Variants in DIAPH2 observed in about 807,000 individuals in gnomAD.
DIAPH2 encodes diaphanous related formin 2.
DIAPH2 carries 35 observed loss-of-function variants against 92.7 expected under a neutral mutation model. The observed-to-expected ratio is 0.38, with a 90% CI of 0.29 to 0.50. The LOEUF (loss-of-function observed/expected upper bound fraction) is 0.50. Ranked by LOEUF, DIAPH2 falls within the 20% of genes least tolerant of loss-of-function variation. The pLI, the probability that DIAPH2 is intolerant of heterozygous loss-of-function variation, is 0.94. For synonymous variants in DIAPH2, 301 were observed against 280.4 expected (o/e 1.07, Z -0.73); for missense variants, 701 against 819.5 (o/e 0.86, Z 1.77).
chrX:97,349,924 G>A (rs967776999), intron 24 of DIAPH2, among the ~76,000 whole-genome samples: 8 of 111,923 alleles, frequency 7.1e-5, no homozygotes, highest in Non-Finnish European at 1.1e-4. Context: ...AAAAAGGAAT[G>A]ATGACCAGAA....
At chrX:97,366,774 C>G (rs888098175) in intron 24 of DIAPH2, among the ~76,000 whole-genome samples, 1 of 111,735 alleles carries the variant, frequency 8.9e-6, no homozygotes, top group African/African-American at 3.2e-5. Context: ...CTTCTCTTTT[C>G]TGGGGAGTTG....
intron 26 of DIAPH2, among the ~76,000 whole-genome samples, chrX:97,554,599 G>A (rs1312595934): frequency 1.8e-5 from 2 of 111,753 alleles, no homozygotes; most frequent in African/African-American, 6.5e-5. Flanking sequence ...AGAAGCTTCA[G>A]GAACTCACTG....
At chrX:97,441,492 C>T (rs1602592132) in intron 26 of DIAPH2, among the ~76,000 whole-genome samples, 1 of 110,928 alleles carries the variant, frequency 9.0e-6, no homozygotes, top group East Asian at 2.8e-4. Flanking sequence ...TGTTTGTTTC[C>T]ATTTTCTTTT....
chrX:97,218,979 G>A (rs1194571886), intron 22 of DIAPH2, among the ~76,000 whole-genome samples: 1 of 111,809 alleles, frequency 8.9e-6, no homozygotes, highest in Non-Finnish European at 1.9e-5. Flanking sequence ...TCTTATCTGT[G>A]AGATACTATA....
At chrX:97,121,460 TA>T (rs1009037913) in intron 21 of DIAPH2, among the ~76,000 whole-genome samples, 2 of 112,103 alleles carry the variant, frequency 1.8e-5, no homozygotes, top group African/African-American at 6.5e-5. Flanking sequence ...TATTCTGCAT[TA>T]TATCTCCAGT....
At position 96,684,938 on chromosome X, in the gene DIAPH2, C is replaced by T; in HGVS notation, c.-121C>T. ...TGAAATCGGCAGCTTCCCGGGCAGA[C>T]ACTCTCTCCCTCAGGAAGAGGTGCC... On this transcript the variant is annotated 5_prime_UTR_variant, in exon 1 of 27. Transcript: ENST00000324765. The T allele has an allele frequency of 2.4e-6, 2 of 840,213 alleles. No individual in the cohort carries two copies. 69.2% of individuals were successfully genotyped at this position (840,213 alleles called of 1,213,427 possible).
intron 4 of DIAPH2, among the ~76,000 whole-genome samples, chrX:96,823,615 A>T (rs1253047184): frequency 2.7e-5 from 3 of 111,060 alleles, no homozygotes; most frequent in Admixed American, 9.6e-5. Context: ...ATTTTTAACA[A>T]TGAACTTGTA....
chrX:97,229,814 A>G (rs1280585407), intron 22 of DIAPH2, among the ~76,000 whole-genome samples: 1 of 74,898 alleles, frequency 1.3e-5, no homozygotes, highest in African/African-American at 3.7e-5. Context: ...ATATATTGTT[A>G]TTATATATAA....
In DIAPH2 at chrX:97,486,235, T is replaced by A. The variant is rs570196655; in HGVS notation, c.3241+56490T>A. Among the ~76,000 whole-genome samples, 9 of 111,704 alleles carry A rather than the reference T, an allele frequency of 8.1e-5. No individual in the cohort carries two copies. The South Asian group carries it at 2.6e-3, about 32-fold the overall frequency. On this transcript the variant is annotated intron_variant, in intron 26 of 26. Coordinates refer to ENST00000324765, the MANE Select transcript of DIAPH2 (RefSeq NM_006729.5). Reference sequence around the variant, plus strand: ...CTCCATAACTTAAGCAAATGAGTAGTTTTGACTACTGGAAAATAGCATTTG... The same window carrying A: ...CTCCATAACTTAAGCAAATGAGTAGATTTGACTACTGGAAAATAGCATTTG...
intron 26 of DIAPH2, among the ~76,000 whole-genome samples, chrX:97,435,687 A>G (rs1043069997): frequency 5.4e-5 from 6 of 111,836 alleles, no homozygotes; most frequent in Non-Finnish European, 9.4e-5. Context: ...TTTACCATCT[A>G]CTTTGTAAAG....
At chrX:96,890,771 G>A (rs997793094) in intron 5 of DIAPH2, among the ~76,000 whole-genome samples, 2 of 112,008 alleles carry the variant, frequency 1.8e-5, no homozygotes, top group Admixed American at 9.5e-5. Flanking sequence ...GGTGATAAAG[G>A]CTCTAAGAAA....
At chrX:97,385,914 A>G (rs1158940019) in intron 25 of DIAPH2, among the ~76,000 whole-genome samples, 3 of 112,314 alleles carry the variant, frequency 2.7e-5, no homozygotes, top group Non-Finnish European at 3.8e-5. Context: ...CAAGGTCACA[A>G]TGATAGTGAG....
At position 97,426,023 on chromosome X, in the gene DIAPH2, C is replaced by T. The variant is rs758635018; in HGVS notation, c.3146-3627C>T. On this transcript the variant is annotated intron_variant, in intron 25 of 26. Coordinates refer to ENST00000324765, the MANE Select transcript of DIAPH2 (RefSeq NM_006729.5). ...CAGCCCAGAGTTCACTTTTGCATTT[C>T]GGACCCACATTTCCAACTTCTTTTT... Among the ~76,000 whole-genome samples, 5 of 110,284 alleles carry T rather than the reference C, an allele frequency of 4.5e-5. No individual in the cohort carries two copies. In the East Asian group the frequency reaches 8.6e-4, roughly 19 times the overall value.
intron 1 of DIAPH2, among the ~76,000 whole-genome samples, chrX:96,708,282 TG>T (rs201656936): frequency 0.057 from 5,155 of 89,823 alleles, 183 homozygotes; most frequent in Middle Eastern, 0.17. Context: ...TCTGCTCTGT[TG>T]CCAGGCTGGA....
At chrX:97,561,265 CAT>C (rs1455612178) in intron 26 of DIAPH2, among the ~76,000 whole-genome samples, 2 of 112,230 alleles carry the variant, frequency 1.8e-5, no homozygotes, top group South Asian at 3.8e-4. Flanking sequence ...CAGTGATAGA[CAT>C]ATGAGTAGGA....
Position 97,152,349 on chromosome X carries a change from C to T in DIAPH2, c.2719+10555C>T, listed in dbSNP as rs145671975. Reference sequence around the variant, plus strand: ...CTACAAGTTGATGAGACAAATTTAGCAAATATAACATTTCCTTGTGCCAAA... The same window carrying T: ...CTACAAGTTGATGAGACAAATTTAGTAAATATAACATTTCCTTGTGCCAAA... On this transcript the variant is annotated intron_variant, in intron 22 of 26. Coordinates refer to ENST00000324765, the MANE Select transcript of DIAPH2 (RefSeq NM_006729.5). Among the ~76,000 whole-genome samples, 243 of 112,099 alleles carry T rather than the reference C, an allele frequency of 2.2e-3. 2 individuals are homozygous for T. The highest frequency in any genetic ancestry group is 7.6e-3 in the African/African-American group (235 of 30,891).
intron 16 of DIAPH2, among the ~76,000 whole-genome samples, chrX:96,963,071 T>G (rs762546007): frequency 1.4e-4 from 16 of 112,189 alleles, no homozygotes; most frequent in Non-Finnish European, 2.3e-4. Flanking sequence ...AGACATTATG[T>G]ATTTCTCCTT....
chrX:96,787,686 C>CTTTTTTT (rs56998803), intron 4 of DIAPH2, among the ~76,000 whole-genome samples: 25 of 54,736 alleles, frequency 4.6e-4, no homozygotes, highest in East Asian at 6.6e-4. Flanking sequence ...ACTCTTTTCT[C>CTTTTTTT]TTTTTTTTTT....
chrX:96,913,130 T>G (rs1423428355), intron 7 of DIAPH2, among the ~76,000 whole-genome samples: 1 of 110,998 alleles, frequency 9.0e-6, no homozygotes, highest in East Asian at 2.8e-4. Context: ...ATAGGGAAGA[T>G]AGATAAAACA....
Sources: allele counts gnomAD v4.1 joint callset (sites outside exome capture counted in the v4.1 genomes callset), GRCh38; gene constraint gnomAD v4.1.1; transcripts MANE v1.5; gene names NCBI Gene and HGNC (gene_info 2026-07-23, HGNC 2026-07-21).